Variants in ROBO2 observed in about 807,000 individuals in gnomAD.
ROBO2 encodes roundabout guidance receptor 2, also known as roundabout homolog 2.
ROBO2 carries 53 observed loss-of-function variants against 160.8 expected under a neutral mutation model. The ratio of observed to expected loss-of-function variants is 0.33; its 90% CI spans 0.26 to 0.41. The LOEUF is 0.41. Among genes scored for constraint, ROBO2 ranks in the 10% least tolerant of loss-of-function variants. The pLI, the probability that ROBO2 is intolerant of heterozygous loss-of-function variation, is 1.00. For synonymous variants in ROBO2, 664 were observed against 611.7 expected, an observed-to-expected ratio of 1.09 and a Z score of -1.26; for missense variants, 1,577 against 1,722.4, an observed-to-expected ratio of 0.92 and a Z score of 1.49.
intron 2 of ROBO2, among the ~76,000 whole-genome samples, chr3:77,330,936 C>T (rs2065907545): frequency 6.6e-6 from 1 of 152,132 alleles, no homozygotes; most frequent in South Asian, 2.1e-4. Context: ...ATTTGATTGA[C>T]TTGATTCATC....
At chr3:77,622,260 T>A (rs1466212400) in exon 23 of ROBO2, 2 of 1,614,160 alleles carry the variant, frequency 1.2e-6, no homozygotes, top group Non-Finnish European at 8.5e-7. Context: ...CTCCACAGCC[T>A]CCAGTTCCAC....
At chr3:77,489,229 T>C (rs2085765567) in intron 4 of ROBO2, among the ~76,000 whole-genome samples, 1 of 152,216 alleles carries the variant, frequency 6.6e-6, no homozygotes, top group Non-Finnish European at 1.5e-5. Context: ...TTTCATCTCA[T>C]TTATTCTTTG....
chr3:77,422,431 A>G (rs2077794355), intron 2 of ROBO2, among the ~76,000 whole-genome samples: 1 of 152,104 alleles, frequency 6.6e-6, no homozygotes, highest in Non-Finnish European at 1.5e-5. Context: ...CTCCTGGTAC[A>G]AATTGTTGCA....
intron 1 of ROBO2, among the ~76,000 whole-genome samples, chr3:77,050,523 A>G (rs1306105157): frequency 2.0e-5 from 3 of 151,982 alleles, no homozygotes; most frequent in Non-Finnish European, 2.9e-5. Flanking sequence ...TTAAAAAAAG[A>G]AAAGAAAATG....
intron 2 of ROBO2, among the ~76,000 whole-genome samples, chr3:76,540,782 A>G (rs1271976297): frequency 2.6e-5 from 4 of 152,010 alleles, no homozygotes; most frequent in Non-Finnish European, 1.5e-5. Flanking sequence ...TTGACTTTTG[A>G]TTTAATTATT....
chr3:76,554,179 A>T (rs74611747), intron 2 of ROBO2, among the ~76,000 whole-genome samples: 50,497 of 151,766 alleles, frequency 0.33, 8,741 homozygotes, highest in East Asian at 0.48. Context: ...AGAATGAGCT[A>T]CATCTATGGA....
chr3:76,688,972 T>C (rs1183764784), intron 2 of ROBO2, among the ~76,000 whole-genome samples: 3 of 152,020 alleles, frequency 2.0e-5, no homozygotes, highest in African/African-American at 7.2e-5. Flanking sequence ...ATTGCTTACC[T>C]TGGTTTTAAG....
At chr3:76,180,173 C>T (rs1319265696) in intron 2 of ROBO2, among the ~76,000 whole-genome samples, 1 of 152,148 alleles carries the variant, frequency 6.6e-6, no homozygotes, top group Admixed American at 6.6e-5. Flanking sequence ...TAATCAGTCA[C>T]AAAATACGTT....
At chr3:76,767,808 A>G (rs2061656400) in intron 2 of ROBO2, among the ~76,000 whole-genome samples, 1 of 151,520 alleles carries the variant, frequency 6.6e-6, no homozygotes, top group African/African-American at 2.4e-5. Context: ...GTAAGGATCC[A>G]TTTATATATA....
At chr3:76,149,889 A>C (rs200774796) in intron 2 of ROBO2, among the ~76,000 whole-genome samples, 3,447 of 144,382 alleles carry the variant, frequency 0.024, 1 homozygote, top group East Asian at 0.12. Flanking sequence ...TCTAAAGCAC[A>C]CATCATCTGT....
At chr3:76,144,225 G>C (rs1005240087) in intron 2 of ROBO2, among the ~76,000 whole-genome samples, 1 of 151,928 alleles carries the variant, frequency 6.6e-6, no homozygotes, top group African/African-American at 2.4e-5. Context: ...AAACAAAACT[G>C]TTCTGGACTT....
chr3:76,305,858 CAAAA>C (rs887507277), intron 2 of ROBO2, among the ~76,000 whole-genome samples: 4 of 150,082 alleles, frequency 2.7e-5, no homozygotes, highest in South Asian at 2.1e-4. Flanking sequence ...AAAAAAAAAA[CAAAA>C]AAACATCACC....
intron 2 of ROBO2, among the ~76,000 whole-genome samples, chr3:77,333,261 G>A (rs561111827): frequency 6.6e-6 from 1 of 152,242 alleles, no homozygotes; most frequent in African/African-American, 2.4e-5. Context: ...TTCTTAAGAT[G>A]ATGTCGCAGA....
intron 2 of ROBO2, among the ~76,000 whole-genome samples, chr3:76,473,816 G>T (rs1288639892): frequency 6.6e-6 from 1 of 152,182 alleles, no homozygotes; most frequent in Non-Finnish European, 1.5e-5. Flanking sequence ...TGGCAAGAGA[G>T]AGCTATGAAT....
chr3:77,366,463 G>A (rs1490377670), intron 2 of ROBO2, among the ~76,000 whole-genome samples: 1 of 152,080 alleles, frequency 6.6e-6, no homozygotes. Context: ...GAACCAGAAA[G>A]CAGGCCCTCT....
chr3:76,108,222 C>T (rs896859111), intron 2 of ROBO2, among the ~76,000 whole-genome samples: 11 of 151,976 alleles, frequency 7.2e-5, no homozygotes, highest in African/African-American at 2.2e-4. Context: ...GATAGTTTGA[C>T]GTTGAAATTT....
rs1041729916 is a variant in ROBO2, at chr3:76,928,892, A to G, written c.110-169122A>G. Among the ~76,000 whole-genome samples the G allele has an allele frequency of 2.6e-5, 4 of 152,260 alleles. 1 individual carries two copies. Among genetic ancestry groups the G allele is most frequent in the African/African-American group, 2.4e-5 (1 of 41,536 alleles). On this transcript the variant is annotated intron_variant, in intron 2 of 26. Transcript: ENST00000487694. ...ATGAATCTCCAATCTCTGGCCAGAC[A>G]TCTTTCTCATTCTTCCCCTCAACTG...
chr3:76,482,274 A>G (rs2079252274), intron 2 of ROBO2, among the ~76,000 whole-genome samples: 1 of 152,150 alleles, frequency 6.6e-6, no homozygotes, highest in Non-Finnish European at 1.5e-5. Flanking sequence ...AATATGATTG[A>G]TATCAACAAT....
At chr3:76,637,373 A>G (rs55679012) in intron 2 of ROBO2, among the ~76,000 whole-genome samples, 58,945 of 151,438 alleles carry the variant, frequency 0.39, 11,569 homozygotes, top group South Asian at 0.46. Flanking sequence ...CCTTTCAAAG[A>G]CTTCAAAGAC....
Sources: gnomAD v4.1 joint callset for allele counts (sites outside exome capture counted in the v4.1 genomes callset) on GRCh38, gnomAD v4.1.1 for gene constraint, MANE v1.5 for transcripts, NCBI Gene and HGNC (gene_info 2026-07-23, HGNC 2026-07-21) for gene names.